Variants in C7 observed in about 807,000 individuals in gnomAD.
C7 encodes the protein complement component C7.
C7 carries 83 observed loss-of-function variants against 104.8 expected under a neutral mutation model. The ratio of observed to expected loss-of-function variants is 0.79; its 90% CI spans 0.66 to 0.95. C7 has a LOEUF of 0.95. Ranked by LOEUF, C7 falls within the 40% of genes least tolerant of loss-of-function variation. The probability of loss-of-function intolerance (pLI) is 0.00; values close to 1 mark genes in which losing one functional copy is unlikely to be tolerated. For missense variants in C7, 1,070 were observed against 1,011.2 expected (o/e 1.06, Z -0.79); for synonymous variants, 415 against 360.6 (o/e 1.15, Z -1.71).
chr5:40,938,010 T>C (rs533863623), intron 6 of C7, among the ~76,000 whole-genome samples: 2 of 152,290 alleles, frequency 1.3e-5, no homozygotes, highest in East Asian at 3.9e-4. Flanking sequence ...CTGGTAATGA[T>C]AGTCTCCTGA....
chr5:40,965,955 T>G (rs1740542360), intron 14 of C7, among the ~76,000 whole-genome samples: 1 of 152,062 alleles, frequency 6.6e-6, no homozygotes, highest in Admixed American at 6.6e-5. Flanking sequence ...TTTTTATATT[T>G]TTTCTAATGA....
At chr5:40,928,528 T>A (rs1318184912) in intron 1 of C7, 52 bp from the exon 2 acceptor site, 6 of 1,021,638 alleles carry the variant, frequency 5.9e-6, no homozygotes, top group Non-Finnish European at 8.8e-6. Context: ...CAATTTATAG[T>A]TATAAAAAGA....
At chr5:40,941,955 C>T (rs114683500) in intron 6 of C7, among the ~76,000 whole-genome samples, 206 of 152,000 alleles carry the variant, frequency 1.4e-3, no homozygotes, top group African/African-American at 4.0e-3. Flanking sequence ...GAAGGAGATG[C>T]GTAAAGGAGT....
At chr5:40,957,771 T>TC (rs1561252380) in intron 10 of C7, among the ~76,000 whole-genome samples, 1 of 106,156 alleles carries the variant, frequency 9.4e-6, no homozygotes, top group Admixed American at 1.0e-4. Context: ...TTTTTTTGTT[T>TC]TTTTTTTTTT....
At chr5:40,947,943 C>A in intron 8 of C7, 98 bp downstream of exon 8, 1 of 1,235,176 alleles carries the variant, frequency 8.1e-7, no homozygotes, top group Non-Finnish European at 1.2e-6. Context: ...TAAAATTTGA[C>A]AAACAGAAAT....
At chr5:40,924,723 A>G (rs1306824498) in intron 1 of C7, among the ~76,000 whole-genome samples, 3 of 152,178 alleles carry the variant, frequency 2.0e-5, no homozygotes, top group Non-Finnish European at 4.4e-5. Context: ...GCCTAATACC[A>G]CATGGAAGCT....
At chr5:40,953,639 C>CAA (rs397961480) in intron 9 of C7, among the ~76,000 whole-genome samples, 10,010 of 104,066 alleles carry the variant, frequency 0.096, 1,164 homozygotes, top group African/African-American at 0.25. Context: ...GACTCTGTCT[C>CAA]AAAAAAAAAA....
intron 14 of C7, among the ~76,000 whole-genome samples, chr5:40,970,437 A>ATGTCTC (rs1176853158): frequency 6.6e-6 from 1 of 152,120 alleles, no homozygotes; most frequent in East Asian, 1.9e-4. Flanking sequence ...GTAATTGAGT[A>ATGTCTC]AGAAAGAATA....
chr5:40,943,844 A>G (rs1314528481), intron 6 of C7, among the ~76,000 whole-genome samples: 4 of 152,026 alleles, frequency 2.6e-5, no homozygotes, highest in African/African-American at 7.2e-5. Context: ...TATCTTTCTT[A>G]TCTTTTTAGC....
At chr5:40,972,186 G>A in intron 14 of C7, 1 of 580,870 alleles carries the variant, frequency 1.7e-6, no homozygotes, top group Non-Finnish European at 3.1e-6. Context: ...GGGTGGGAGA[G>A]GGGGAGCTGT....
intron 14 of C7, among the ~76,000 whole-genome samples, chr5:40,968,095 C>A (rs1387361870): frequency 6.6e-6 from 1 of 151,542 alleles, no homozygotes; most frequent in Non-Finnish European, 1.5e-5. Flanking sequence ...TGTTTTCCAT[C>A]TTTTCCCCCT....
intron 9 of C7, chr5:40,954,891 A>AAAAG (rs1561251150): frequency 2.6e-5 from 7 of 264,456 alleles, no homozygotes; most frequent in Admixed American, 5.2e-5. Flanking sequence ...AAAAAAAAAA[A>AAAAG]AAAAAAAAAA....
At chr5:40,937,138 A>G (rs1716545796) in intron 5 of C7, 1 of 153,614 alleles carries the variant, frequency 6.5e-6, no homozygotes, top group Admixed American at 6.5e-5. Flanking sequence ...TATTTGAAAG[A>G]GTACACCATT....
intron 11 of C7, 30 bp downstream of exon 11, chr5:40,958,291 C>T (rs760514959): frequency 2.9e-6 from 4 of 1,389,108 alleles, no homozygotes; most frequent in Non-Finnish European, 3.9e-6. Context: ...TCTAGCCACC[C>T]TGTACACATT....
chr5:40,931,881 C>T (rs1211104805), intron 3 of C7, among the ~76,000 whole-genome samples: 4 of 152,184 alleles, frequency 2.6e-5, no homozygotes, highest in Non-Finnish European at 1.5e-5. Flanking sequence ...GCCTCAGCCT[C>T]CCAAGTAGCT....
At chr5:40,969,566 A>T (rs1418017459) in intron 14 of C7, among the ~76,000 whole-genome samples, 1 of 152,168 alleles carries the variant, frequency 6.6e-6, no homozygotes, top group Non-Finnish European at 1.5e-5. Context: ...AGGCTGGCTT[A>T]TGTCTGGGTT....
chr5:40,966,489 C>T (rs1740553705), intron 14 of C7, among the ~76,000 whole-genome samples: 1 of 151,936 alleles, frequency 6.6e-6, no homozygotes, highest in Admixed American at 6.5e-5. Context: ...AACAATTCTC[C>T]TGCCTCAGCC....
intron 1 of C7, among the ~76,000 whole-genome samples, chr5:40,921,993 A>G (rs1454594461): frequency 2.0e-5 from 3 of 151,988 alleles, no homozygotes; most frequent in Non-Finnish European, 4.4e-5. Context: ...AGCTAAGAAC[A>G]TGCCATTGCA....
chr5:40,931,451 A>G (rs148946010), intron 3 of C7, among the ~76,000 whole-genome samples: 1 of 152,370 alleles, frequency 6.6e-6, no homozygotes, highest in East Asian at 1.9e-4. Flanking sequence ...GGAATAACAT[A>G]GAATGACATT....
Sources: gnomAD v4.1 joint callset for allele counts (sites outside exome capture counted in the v4.1 genomes callset) on GRCh38, gnomAD v4.1.1 for gene constraint, MANE v1.5 for transcripts, NCBI Gene and HGNC (gene_info 2026-07-23, HGNC 2026-07-21) for gene names.